The following EPAS1 variants were observed in gnomAD, a reference collection of about 807,000 sequenced individuals.
EPAS1 encodes endothelial PAS domain-containing protein 1.
In EPAS1, 23 loss-of-function variants were observed where a neutral mutation model predicts 87.9. The ratio of observed to expected loss-of-function variants is 0.26; its 90% CI spans 0.19 to 0.37. The LOEUF is 0.37. EPAS1 is among the 10% of genes least tolerant of loss of function. The probability of loss-of-function intolerance (pLI) is 1.00; values close to 1 mark genes in which losing one functional copy is unlikely to be tolerated. For missense variants in EPAS1, 1,138 were observed against 1,120.7 expected (o/e 1.02, Z -0.22); for synonymous variants, 508 against 444.3 (o/e 1.14, Z -1.80).
rs140238211 is a variant in EPAS1, at chr2:46,317,804, C to T, written c.26+19867C>T. Among the ~76,000 whole-genome samples the T allele has an allele frequency of 1.4e-4, 22 of 152,328 alleles. No individual in the cohort carries two copies. The East Asian group carries it at 3.7e-3, about 25-fold the overall frequency. On this transcript the variant is annotated intron_variant, in intron 1 of 15. Coordinates refer to ENST00000263734, the MANE Select transcript of EPAS1 (RefSeq NM_001430.5). The stretch of plus-strand genomic sequence containing the variant: ...CTAGATCTTCTAAATAACTGGCTGC[C>T]GCTTATGTATCAGCACTTGCTCTTT...
intron 1 of EPAS1, among the ~76,000 whole-genome samples, chr2:46,320,863 G>GT (rs1287539964): frequency 6.6e-6 from 1 of 152,172 alleles, no homozygotes; most frequent in East Asian, 1.9e-4. Flanking sequence ...TGGTTAAATC[G>GT]TTTTTTATTG....
Position 46,346,229 on chromosome 2 carries a change from A to G in EPAS1, c.27-644A>G, listed in dbSNP as rs1684021226. Among the ~76,000 whole-genome samples the G allele has an allele frequency of 1.3e-5, 2 of 152,228 alleles. No individual in the cohort carries two copies. Among genetic ancestry groups the G allele is most frequent in the South Asian group, 4.1e-4 (2 of 4,832 alleles). On this transcript the variant is annotated intron_variant, in intron 1 of 15. Transcript: ENST00000263734. The surrounding 1 kb of genome is among the most constrained non-coding windows in gnomAD (Gnocchi z 4.0). Reference sequence around the variant, plus strand: ...GGCAACCTATGCTGGCAGGGCTTAGAGAGAAAATGTTTGTGCCCACTCCTT... The same window carrying G: ...GGCAACCTATGCTGGCAGGGCTTAGGGAGAAAATGTTTGTGCCCACTCCTT...
chr2:46,381,598 C>T lies in EPAS1; in HGVS notation c.2048C>T (p.Ser683Phe). 1 of 1,613,976 alleles carries T rather than the reference C, an allele frequency of 6.2e-7. No individual in the cohort carries two copies. The highest frequency in any genetic ancestry group is 8.5e-7 in the Non-Finnish European group (1 of 1,180,040). Residue 683 changes from serine to phenylalanine, a missense_variant and splice_region_variant, in exon 13 of 16, where the codon TCT becomes TTT. Coordinates refer to ENST00000263734, the MANE Select transcript of EPAS1 (RefSeq NM_001430.5). ...PPHVSTFKTR[S>F]AKGFGARGPD... The stretch of plus-strand genomic sequence containing the variant: ...GCCTGCTCTCTCGGGCTTGGCAGGT[C>T]TGCAAAGGGTTTTGGGGCTCGAGGC...
chr2:46,323,156 G>A (rs1160511586), intron 1 of EPAS1, among the ~76,000 whole-genome samples: 1 of 152,176 alleles, frequency 6.6e-6, no homozygotes, highest in Non-Finnish European at 1.5e-5. Context: ...GCAACACAGG[G>A]CCGTTACCCT....
Position 46,347,233 on chromosome 2 carries a change from T to TGAAGGA in EPAS1, c.217+170_217+171insGAAGGA, listed in dbSNP as rs1232064913. The TGAAGGA allele has an allele frequency of 4.5e-5, 34 of 750,888 alleles. No individual in the cohort carries two copies. Among genetic ancestry groups the TGAAGGA allele is most frequent in the Non-Finnish European group, 7.4e-5 (33 of 443,716 alleles). 46.5% of individuals were successfully genotyped at this position (750,888 alleles called of 1,614,324 possible). ...ATTCCTTCATGTTAAACATCTCTCT[T>TGAAGGA]CCAGCAGTGACCTTTACCGTGAATC... On this transcript the variant is annotated intron_variant, in intron 2 of 15. Transcript: ENST00000263734. The surrounding 1 kb of genome is among the most constrained non-coding windows in gnomAD (Gnocchi z 4.2).
In EPAS1 at chr2:46,356,133, ACCCC is replaced by A; in HGVS notation, c.218-11_218-8del. On this transcript the variant is annotated splice_polypyrimidine_tract_variant and intron_variant, in intron 2 of 15. Transcript: ENST00000263734. ...ACTCCACATTCATGCAAGCTGTCCC[ACCCC>A]CCCCCCTTTCCAGTTTGCTCTGAAA... 70 of 1,217,862 alleles carry A rather than the reference ACCCC, an allele frequency of 5.7e-5. No homozygotes were observed. Among genetic ancestry groups the A allele is most frequent in the Non-Finnish European group, 7.8e-5 (68 of 867,296 alleles). 75.4% of individuals were successfully genotyped at this position (1,217,862 alleles called of 1,614,324 possible).
chr2:46,378,028 G>A lies in EPAS1; in HGVS notation c.1384G>A (p.Ala462Thr). ...CCTGCCTGCCTTCACCGTGCCCCAG[G>A]CAGCTGCCCCGGGCAGCACCACCCC... is the stretch of plus-strand genomic sequence containing the variant. Reference protein sequence around the residue: ...GSLPAFTVPQAAAPGSTTPSA... With the variant: ...GSLPAFTVPQTAAPGSTTPSA... Residue 462 changes from alanine (A) to threonine (T), a missense_variant, in exon 10 of 16, where the codon GCA (alanine) becomes ACA (threonine). By Grantham distance (58) the Ala-to-Thr change is moderately conservative (BLOSUM62 0). Around this residue, in one of 4 missense-constraint regions of EPAS1, gnomAD observed 284 missense variants for 258.4 expected, o/e 1.10. Coordinates refer to ENST00000263734, the MANE Select transcript of EPAS1 (RefSeq NM_001430.5). The A allele has an allele frequency of 1.9e-6, 3 of 1,604,456 alleles. No homozygotes were observed. Among genetic ancestry groups the A allele is most frequent in the African/African-American group, 1.3e-5 (1 of 74,822 alleles).
chr2:46,375,330 T>A lies in EPAS1; in HGVS notation c.887-360T>A, dbSNP rs1684721687. Among the ~76,000 whole-genome samples, 1 of 152,096 alleles carries A rather than the reference T, an allele frequency of 6.6e-6. No homozygotes were observed. Among genetic ancestry groups the A allele is most frequent in the Non-Finnish European group, 1.5e-5 (1 of 67,996 alleles). On this transcript the variant is annotated intron_variant, in intron 7 of 15. Transcript: ENST00000263734. The surrounding 1 kb of genome is among the most constrained non-coding windows in gnomAD (Gnocchi z 4.1). ...TTCTCATTGAACCCCATGAAGAAAG[T>A]AAGGCAGGTTCTGGACTTGGTTCTG...
Position 46,347,165 on chromosome 2 carries a change from A to G in EPAS1, c.217+102A>G, listed in dbSNP as rs1684048164. On this transcript the variant is annotated intron_variant, in intron 2 of 15. Transcript: ENST00000263734. The surrounding 1 kb of genome is among the most constrained non-coding windows in gnomAD (Gnocchi z 4.2). ...GCTGCCAGAGCTGGAAAGTCACCCC[A>G]CTACAGAACTTTCACCCACAGAAAC... 4.6e-6 allele frequency: 6 copies of G among 1,317,334 alleles called. No homozygotes were observed. The East Asian group carries it at 1.4e-4, about 30-fold the overall frequency. The allele number at this position is 1,317,334 out of a possible 1,614,324, so 81.6% of individuals were successfully genotyped here.
intron 1 of EPAS1, among the ~76,000 whole-genome samples, chr2:46,303,022 G>C (rs1050487316): frequency 6.6e-6 from 1 of 152,168 alleles, no homozygotes; most frequent in East Asian, 1.9e-4. Context: ...GCAGTGAGCC[G>C]AGATCGTGCC....
At chr2:46,351,279 G>C (rs942832156) in intron 2 of EPAS1, among the ~76,000 whole-genome samples, 5 of 152,198 alleles carry the variant, frequency 3.3e-5, no homozygotes, top group African/African-American at 1.2e-4. Flanking sequence ...ACAGGTGTTT[G>C]CTGAACCCAG....
At chr2:46,334,805 G>C (rs1024397160) in intron 1 of EPAS1, among the ~76,000 whole-genome samples, 1 of 152,224 alleles carries the variant, frequency 6.6e-6, no homozygotes, top group Non-Finnish European at 1.5e-5. Flanking sequence ...ATTTGGAAAA[G>C]ACTTTTAGCA....
Position 46,318,198 on chromosome 2 carries a change from A to AC in EPAS1, c.26+20261_26+20262insC, listed in dbSNP as rs1683382093. 2.6e-5 allele frequency among the ~76,000 whole-genome samples: 4 copies of AC among 151,672 alleles called. No homozygotes were observed. In the South Asian group the frequency reaches 6.3e-4, roughly 24 times the overall value. ...GAGAGAGATACACACACACACACACAAACACACACACGCACACAGAGGAAC... is the reference window on the plus strand; with the variant it reads ...GAGAGAGATACACACACACACACACACAACACACACACGCACACAGAGGAAC... On this transcript the variant is annotated intron_variant, in intron 1 of 15. Transcript: ENST00000263734.
chr2:46,356,127 T>TGGGGGGGGGGC, intron 2 of EPAS1, 24 bp from the exon 3 acceptor site: 1 of 1,395,468 alleles, frequency 7.2e-7, no homozygotes, highest in Non-Finnish European at 9.9e-7. Context: ...TCATGCAAGC[T>TGGGGGGGGGGC]GTCCCACCCC....
rs1322306505 is a variant in EPAS1, at chr2:46,347,496, G to C, written c.217+433G>C. 3.9e-6 allele frequency: 1 copy of C among 258,132 alleles called. No individual in the cohort carries two copies. Among genetic ancestry groups the C allele is most frequent in the Admixed American group, 4.9e-5 (1 of 20,446 alleles). 16.0% of individuals were successfully genotyped at this position (258,132 alleles called of 1,614,324 possible). A position where few individuals can be genotyped will look rare whatever the true frequency, so the allele number is the denominator to read the frequency against. On this transcript the variant is annotated intron_variant, in intron 2 of 15. Coordinates refer to ENST00000263734, the MANE Select transcript of EPAS1 (RefSeq NM_001430.5). The surrounding 1 kb of genome is among the most constrained non-coding windows in gnomAD (Gnocchi z 4.2). Reference sequence around the variant, plus strand: ...TGTGCCCGGATGATCTTTTCCCTCTGAGAAGCCAGTTAGGCCAAGTAAATC... The same window carrying C: ...TGTGCCCGGATGATCTTTTCCCTCTCAGAAGCCAGTTAGGCCAAGTAAATC...
chr2:46,343,241 T>G (rs1268711593), intron 1 of EPAS1, among the ~76,000 whole-genome samples: 2 of 152,190 alleles, frequency 1.3e-5, no homozygotes, highest in African/African-American at 2.4e-5. Flanking sequence ...TTAGTCCTAC[T>G]CTTAACATTC....
chr2:46,320,757 A>G (rs1476988233), intron 1 of EPAS1, among the ~76,000 whole-genome samples: 2 of 152,202 alleles, frequency 1.3e-5, no homozygotes, highest in Non-Finnish European at 2.9e-5. Context: ...TTTCTATTCA[A>G]GATACTTAAC....
chr2:46,334,925 G>A lies in EPAS1; in HGVS notation c.27-11948G>A, dbSNP rs530217414. ...GAATTGGGGGAAAGCAAGTGTTCGC[G>A]CTGTGGCATGAATCAGATCCCACAA... On this transcript the variant is annotated intron_variant, in intron 1 of 15. Coordinates refer to ENST00000263734, the MANE Select transcript of EPAS1 (RefSeq NM_001430.5). 4.6e-5 allele frequency among the ~76,000 whole-genome samples: 7 copies of A among 152,314 alleles called. No homozygotes were observed. In the South Asian group the frequency reaches 8.3e-4, roughly 18 times the overall value.
chr2:46,353,485 T>A (rs1479490319), intron 2 of EPAS1, among the ~76,000 whole-genome samples: 1 of 152,242 alleles, frequency 6.6e-6, no homozygotes, highest in Non-Finnish European at 1.5e-5. Flanking sequence ...ATTTTTATTT[T>A]GCACTGGGCC....
Sources: allele counts gnomAD v4.1 joint callset (sites outside exome capture counted in the v4.1 genomes callset), GRCh38; gene constraint gnomAD v4.1.1; regional missense constraint gnomAD v4.1.1; non-coding constraint Gnocchi (gnomAD v3.1); transcripts MANE v1.5; gene names NCBI Gene and HGNC (gene_info 2026-07-23, HGNC 2026-07-21).